The following DPP10 variants were observed in gnomAD, a reference collection of about 807,000 sequenced individuals.
The protein encoded by DPP10 is inactive dipeptidyl peptidase 10.
DPP10 carries 33 observed loss-of-function variants against 120.9 expected under a neutral mutation model. The observed-to-expected ratio is 0.27, with a 90% CI of 0.21 to 0.37. DPP10 has a LOEUF of 0.37. DPP10 is among the 10% of genes least tolerant of loss of function. The pLI, the probability that DPP10 is intolerant of heterozygous loss-of-function variation, is 1.00. For synonymous variants in DPP10, 337 were observed against 326.1 expected (o/e 1.03, Z -0.36); for missense variants, 816 against 942.8 (o/e 0.87, Z 1.76).
intron 5 of DPP10, among the ~76,000 whole-genome samples, chr2:115,644,575 A>G (rs1227244030): frequency 1.3e-5 from 2 of 151,844 alleles, no homozygotes; most frequent in African/African-American, 4.8e-5. Context: ...GTTCCAGACC[A>G]GCCTGGGCAG....
chr2:115,110,400 C>G (rs1343577431), intron 1 of DPP10, among the ~76,000 whole-genome samples: 1 of 152,110 alleles, frequency 6.6e-6, no homozygotes, highest in East Asian at 1.9e-4. Context: ...AAATGAATTA[C>G]TAGGAAAAGG....
Position 114,735,160 on chromosome 2 carries a change from C to T in DPP10, c.60+292322C>T, listed in dbSNP as rs367784400. The stretch of plus-strand genomic sequence containing the variant: ...CACTAGGGCTTAGGATTTCAACATA[C>T]GAATTTTAGGGAGACACAATTCAAA... On this transcript the variant is annotated intron_variant, in intron 1 of 25. Transcript: ENST00000410059. Among the ~76,000 whole-genome samples the T allele has an allele frequency of 2.3e-4, 35 of 152,220 alleles. 1 individual carries two copies. The South Asian group carries it at 4.4e-3, about 19-fold the overall frequency.
chr2:115,291,869 A>G (rs1283899331), intron 1 of DPP10, among the ~76,000 whole-genome samples: 2 of 152,118 alleles, frequency 1.3e-5, no homozygotes, highest in South Asian at 2.1e-4. Flanking sequence ...CGTGCTCCCT[A>G]AAAATCTATT....
At chr2:115,267,857 C>T (rs562421721) in intron 1 of DPP10, among the ~76,000 whole-genome samples, 1 of 152,238 alleles carries the variant, frequency 6.6e-6, no homozygotes, top group East Asian at 1.9e-4. Context: ...AGTTATCCTT[C>T]TCTGTCTTAT....
chr2:115,070,431 C>G (rs372697686), intron 1 of DPP10, among the ~76,000 whole-genome samples: 1 of 152,278 alleles, frequency 6.6e-6, no homozygotes, highest in Admixed American at 6.5e-5. Context: ...CAAGCATGCT[C>G]TTTCCAGAGG....
At chr2:114,889,419 A>G (rs1311693614) in intron 1 of DPP10, among the ~76,000 whole-genome samples, 7 of 151,622 alleles carry the variant, frequency 4.6e-5, no homozygotes, top group African/African-American at 1.7e-4. Context: ...TACATTATAT[A>G]TGTATAAAAT....
intron 1 of DPP10, among the ~76,000 whole-genome samples, chr2:114,825,297 A>G (rs1475825478): frequency 6.6e-6 from 1 of 152,230 alleles, no homozygotes; most frequent in Non-Finnish European, 1.5e-5. Context: ...AGAGGAAAGC[A>G]TTGGAATCTA....
chr2:114,799,299 A>G (rs947567501), intron 1 of DPP10, among the ~76,000 whole-genome samples: 6 of 152,184 alleles, frequency 3.9e-5, no homozygotes, highest in African/African-American at 1.2e-4. Flanking sequence ...AAGGTCATCT[A>G]TAACACACAC....
At chr2:114,731,879 G>A (rs974286307) in intron 1 of DPP10, among the ~76,000 whole-genome samples, 7 of 152,102 alleles carry the variant, frequency 4.6e-5, no homozygotes, top group African/African-American at 1.7e-4. Context: ...TATAACTTAG[G>A]AGTGATCACT....
chr2:115,817,571 C>A (rs1341187621), intron 21 of DPP10, among the ~76,000 whole-genome samples: 1 of 152,144 alleles, frequency 6.6e-6, no homozygotes, highest in Non-Finnish European at 1.5e-5. Flanking sequence ...TTGTTGTCAG[C>A]AATATTCAAC....
intron 3 of DPP10, among the ~76,000 whole-genome samples, chr2:115,436,665 A>G (rs2071523952): frequency 6.6e-6 from 1 of 151,866 alleles, no homozygotes; most frequent in Non-Finnish European, 1.5e-5. Context: ...GTTACAGAGA[A>G]TAGGGTGGGT....
chr2:114,752,128 G>T (rs1558703756), intron 1 of DPP10, among the ~76,000 whole-genome samples: 1 of 151,470 alleles, frequency 6.6e-6, no homozygotes, highest in South Asian at 2.1e-4. Flanking sequence ...CAATGGTCAG[G>T]GTCTACACAC....
chr2:115,421,654 C>T (rs1279449951), intron 3 of DPP10, among the ~76,000 whole-genome samples: 3 of 151,874 alleles, frequency 2.0e-5, no homozygotes, highest in Non-Finnish European at 4.4e-5. Context: ...AGGCGGATCA[C>T]GAAGTCAAGA....
At chr2:115,306,261 G>A (rs2061355466) in intron 1 of DPP10, among the ~76,000 whole-genome samples, 3 of 151,986 alleles carry the variant, frequency 2.0e-5, no homozygotes, top group Non-Finnish European at 4.4e-5. Context: ...CCCAAGAGAA[G>A]AGACATTTGA....
At chr2:115,295,237 TACTC>T (rs909452461) in intron 1 of DPP10, among the ~76,000 whole-genome samples, 34 of 152,156 alleles carry the variant, frequency 2.2e-4, no homozygotes, top group East Asian at 1.2e-3. Flanking sequence ...GTAATTGCCT[TACTC>T]ACCCACACAA....
chr2:115,762,494 C>G, intron 11 of DPP10, 78 bp from the exon 12 acceptor site: 1 of 1,477,112 alleles, frequency 6.8e-7, no homozygotes, highest in Non-Finnish European at 9.4e-7. Context: ...AACTGATAAC[C>G]GTGTTTTAAA....
chr2:114,557,327 C>T (rs1688406382), intron 1 of DPP10, among the ~76,000 whole-genome samples: 1 of 152,106 alleles, frequency 6.6e-6, no homozygotes, highest in South Asian at 2.1e-4. Flanking sequence ...CTGACAGCCC[C>T]AGATGATCCA....
chr2:114,545,092 C>T lies in DPP10; in HGVS notation c.60+102254C>T, dbSNP rs192047483. On this transcript the variant is annotated intron_variant, in intron 1 of 25. Coordinates refer to ENST00000410059, the MANE Select transcript of DPP10 (RefSeq NM_020868.6). ...GTCTGGATCTCTTGACCTCGTGATC[C>T]GCCCACTTCAGCCTTCCAAATTGCT... is the stretch of plus-strand genomic sequence containing the variant. Among the ~76,000 whole-genome samples the T allele has an allele frequency of 8.0e-3, 1,211 of 152,160 alleles. 9 individuals are homozygous for T. Among genetic ancestry groups the T allele is most frequent in the Middle Eastern group, 0.065 (19 of 294 alleles).
chr2:114,597,138 C>T lies in DPP10; in HGVS notation c.60+154300C>T, dbSNP rs376643135. ...TTCAGGATGCTCACTGGTGGCCAGG[C>T]AGAAAAGAGTAAAGACAATGGCATT... On this transcript the variant is annotated intron_variant, in intron 1 of 25. Transcript: ENST00000410059. Among the ~76,000 whole-genome samples the T allele has an allele frequency of 2.8e-4, 43 of 151,920 alleles. No homozygotes were observed. In the East Asian group the frequency reaches 7.8e-3, roughly 27 times the overall value.
Sources: gnomAD v4.1 joint callset for allele counts (sites outside exome capture counted in the v4.1 genomes callset) on GRCh38, gnomAD v4.1.1 for gene constraint, MANE v1.5 for transcripts, NCBI Gene and HGNC (gene_info 2026-07-23, HGNC 2026-07-21) for gene names.